Variants in NBAS observed in about 807,000 individuals in gnomAD.
NBAS encodes NBAS subunit of NRZ tethering complex.
Under a neutral mutation model 302.5 loss-of-function variants are expected in NBAS, and 219 were observed. The ratio of observed to expected loss-of-function variants is 0.72; its 90% confidence interval spans 0.65 to 0.81. The LOEUF (loss-of-function observed/expected upper bound fraction) is 0.81. NBAS is among the 30% of genes least tolerant of loss of function. The probability of loss-of-function intolerance (pLI) is 0.00; values close to 1 mark genes in which losing one functional copy is unlikely to be tolerated. For synonymous variants in NBAS, 1,118 were observed against 1,021.6 expected (o/e 1.09, Z -1.80); for missense variants, 2,932 against 2,841.6 (o/e 1.03, Z -0.72).
the NBAS span, among the ~76,000 whole-genome samples, chr2:15,040,143 T>C: frequency 6.6e-6 from 1 of 152,164 alleles, no homozygotes; most frequent in South Asian, 2.1e-4. Flanking sequence ...AAGAGCAGGA[T>C]CCTAGGAGCC....
At chr2:15,356,218 G>A (rs937433664) in intron 33 of NBAS, 85 bp downstream of exon 33, 1 of 1,153,930 alleles carries the variant, frequency 8.7e-7, no homozygotes, top group African/African-American at 1.5e-5. Context: ...TACCAATCAG[G>A]TCAATTGATT....
chr2:15,492,620 C>G (rs567926551), intron 11 of NBAS, among the ~76,000 whole-genome samples: 1 of 152,186 alleles, frequency 6.6e-6, no homozygotes, highest in South Asian at 2.1e-4. Flanking sequence ...CCATGCCTGG[C>G]TAACTTTTGT....
chr2:15,065,044 T>C, the NBAS span, among the ~76,000 whole-genome samples: 84 of 152,144 alleles, frequency 5.5e-4, no homozygotes, highest in Non-Finnish European at 9.9e-4. Context: ...AATTCAACAC[T>C]CTTCATAATA....
the NBAS span, among the ~76,000 whole-genome samples, chr2:15,077,082 T>C: frequency 6.6e-6 from 1 of 152,204 alleles, no homozygotes. Context: ...GACTGGGTCA[T>C]TTTTAAAGAA....
chr2:15,533,721 T>C (rs922676239), intron 9 of NBAS, among the ~76,000 whole-genome samples: 15 of 103,612 alleles, frequency 1.4e-4, no homozygotes, highest in African/African-American at 4.3e-4. Flanking sequence ...TGTGTGTGTG[T>C]GTGTGTGTTC....
At chr2:14,807,495 G>A in the NBAS span, among the ~76,000 whole-genome samples, 1 of 151,234 alleles carries the variant, frequency 6.6e-6, no homozygotes, top group South Asian at 2.1e-4. Flanking sequence ...GTAACCGGGT[G>A]AATATTGCAG....
intron 44 of NBAS, among the ~76,000 whole-genome samples, chr2:15,259,646 G>A (rs1189125924): frequency 6.6e-6 from 1 of 152,188 alleles, no homozygotes; most frequent in African/African-American, 2.4e-5. Flanking sequence ...CTCTGTGGGA[G>A]GGTAAGGGCC....
chr2:15,034,209 G>GA, the NBAS span, among the ~76,000 whole-genome samples: 5 of 15,602 alleles, frequency 3.2e-4, no homozygotes, highest in African/African-American at 1.9e-3. Flanking sequence ...GAGAAGGAAA[G>GA]GAAAGAAAGA....
intron 11 of NBAS, among the ~76,000 whole-genome samples, chr2:15,496,012 A>G (rs2148623089): frequency 6.6e-6 from 1 of 152,188 alleles, no homozygotes; most frequent in South Asian, 2.1e-4. Context: ...CAAAAAGTAG[A>G]AACAACCCAA....
At chr2:14,818,343 C>T in the NBAS span, among the ~76,000 whole-genome samples, 3 of 152,252 alleles carry the variant, frequency 2.0e-5, no homozygotes, top group South Asian at 6.2e-4. Flanking sequence ...ATCATTAGTA[C>T]ATTCTAATTC....
At chr2:15,459,889 TAAA>T (rs1679431718) in intron 21 of NBAS, among the ~76,000 whole-genome samples, 1 of 152,168 alleles carries the variant, frequency 6.6e-6, no homozygotes, top group Admixed American at 6.6e-5. Context: ...CAACTTAAAG[TAAA>T]TACGGGTTCA....
rs115551587 is a variant in NBAS, at chr2:15,523,511, C to T, written c.746+11032G>A. 5.1e-3 allele frequency among the ~76,000 whole-genome samples: 771 copies of T among 152,232 alleles called. 7 individuals are homozygous for T. The highest frequency in any genetic ancestry group is 0.018 in the African/African-American group (741 of 41,538). On this transcript the variant is annotated intron_variant, in intron 9 of 51. Coordinates refer to ENST00000281513, the MANE Select transcript of NBAS (RefSeq NM_015909.4). ...GATGTGCATAGATTATATGCAAATA[C>T]TATACCACTTCACATCAGGGACTTG...
At chr2:14,851,017 G>C in the NBAS span, among the ~76,000 whole-genome samples, 5 of 125,988 alleles carry the variant, frequency 4.0e-5, no homozygotes, top group Non-Finnish European at 6.3e-5. Context: ...ACAATTAAAA[G>C]AACTAGAAAA....
At chr2:14,917,389 A>C in the NBAS span, among the ~76,000 whole-genome samples, 1 of 152,204 alleles carries the variant, frequency 6.6e-6, no homozygotes, top group Non-Finnish European at 1.5e-5. Flanking sequence ...CCTCATCAAC[A>C]TGGAAGTTCA....
At chr2:14,845,026 C>T in the NBAS span, among the ~76,000 whole-genome samples, 1 of 152,190 alleles carries the variant, frequency 6.6e-6, no homozygotes, top group Non-Finnish European at 1.5e-5. Context: ...TTGCTGTCTG[C>T]TGATTGTAAA....
At chr2:15,337,407 A>C (rs1672639692) in intron 35 of NBAS, among the ~76,000 whole-genome samples, 1 of 152,068 alleles carries the variant, frequency 6.6e-6, no homozygotes, top group Non-Finnish European at 1.5e-5. Context: ...CCACTAAAGA[A>C]CTTACTCATG....
chr2:15,207,037 C>T (rs1666180077), intron 48 of NBAS, among the ~76,000 whole-genome samples: 1 of 152,166 alleles, frequency 6.6e-6, no homozygotes, highest in African/African-American at 2.4e-5. Context: ...GATTCACCTA[C>T]AGCTTGCACT....
the NBAS span, among the ~76,000 whole-genome samples, chr2:14,971,690 A>AGAAACAG: frequency 1.3e-5 from 2 of 152,160 alleles, no homozygotes; most frequent in African/African-American, 4.8e-5. Context: ...ACAATGGGTA[A>AGAAACAG]GAAACAGCAA....
chr2:14,980,621 C>T, the NBAS span, among the ~76,000 whole-genome samples: 1 of 151,956 alleles, frequency 6.6e-6, no homozygotes, highest in Admixed American at 6.6e-5. Flanking sequence ...CCTGATTGGG[C>T]CTTTAATCAT....
Sources: gnomAD v4.1 joint callset for allele counts (sites outside exome capture counted in the v4.1 genomes callset) on GRCh38, gnomAD v4.1.1 for gene constraint, MANE v1.5 for transcripts, NCBI Gene and HGNC (gene_info 2026-07-23, HGNC 2026-07-21) for gene names.